Variants in DSCAM observed in about 807,000 individuals in gnomAD.
DSCAM encodes DS cell adhesion molecule.
Under a neutral mutation model 217.7 loss-of-function variants are expected in DSCAM, and 47 were observed. The ratio of observed to expected loss-of-function variants is 0.22; its 90% CI spans 0.17 to 0.28. The LOEUF is 0.28. Among genes scored for constraint, DSCAM ranks in the 10% least tolerant of loss-of-function variants. The probability of loss-of-function intolerance (pLI) is 1.00; values close to 1 mark genes in which losing one functional copy is unlikely to be tolerated. For synonymous variants in DSCAM, 1,056 were observed against 1,015.3 expected (o/e 1.04, Z -0.76); for missense variants, 2,080 against 2,618.3 (o/e 0.79, Z 4.49).
intron 1 of DSCAM, among the ~76,000 whole-genome samples, chr21:40,735,027 A>G (rs146005285): frequency 2.6e-4 from 39 of 152,254 alleles, no homozygotes; most frequent in South Asian, 1.7e-3. Context: ...CTATTCACAA[A>G]TGAATTTTTA....
At chr21:40,665,095 T>G (rs2146388679) in intron 3 of DSCAM, among the ~76,000 whole-genome samples, 1 of 152,296 alleles carries the variant, frequency 6.6e-6, no homozygotes, top group South Asian at 2.1e-4. Context: ...GGTGCCAGGC[T>G]TTTACAGCAT....
intron 30 of DSCAM, among the ~76,000 whole-genome samples, chr21:40,047,748 T>C (rs2088865093): frequency 6.6e-6 from 1 of 152,142 alleles, no homozygotes; most frequent in Non-Finnish European, 1.5e-5. Context: ...ATCTGAACAC[T>C]CCCTCATGTA....
Position 40,659,992 on chromosome 21 carries a change from G to A in DSCAM, c.508+32818C>T, listed in dbSNP as rs1568968719. ...GGTGCATGCTGTGTGATATGGTAAC[G>A]ACAACAGCAATACTAGCAGTGGTCA... is the stretch of plus-strand genomic sequence containing the variant. On this transcript the variant is annotated intron_variant, in intron 3 of 32. Coordinates refer to ENST00000400454, the MANE Select transcript of DSCAM (RefSeq NM_001389.5). Among the ~76,000 whole-genome samples, 5 of 152,258 alleles carry A rather than the reference G, an allele frequency of 3.3e-5. 1 individual carries two copies. The South Asian group carries it at 8.3e-4, about 25-fold the overall frequency.
chr21:40,064,204 T>A (rs141976554), intron 27 of DSCAM, among the ~76,000 whole-genome samples: 1 of 151,952 alleles, frequency 6.6e-6, no homozygotes, highest in East Asian at 1.9e-4. Context: ...CACATACATA[T>A]AATGCCAGAA....
chr21:40,300,762 G>A (rs529457917), intron 9 of DSCAM, among the ~76,000 whole-genome samples: 24 of 152,330 alleles, frequency 1.6e-4, no homozygotes, highest in Admixed American at 5.2e-4. Flanking sequence ...ATCACCTGAA[G>A]AGCTGATTAA....
At chr21:40,091,261 C>T (rs926499162) in intron 21 of DSCAM, among the ~76,000 whole-genome samples, 6 of 152,138 alleles carry the variant, frequency 3.9e-5, no homozygotes, top group African/African-American at 1.4e-4. Flanking sequence ...TTGCTTAAAA[C>T]CCTACACCAT....
At chr21:40,642,480 G>A (rs1000071425) in intron 3 of DSCAM, among the ~76,000 whole-genome samples, 11 of 152,296 alleles carry the variant, frequency 7.2e-5, no homozygotes, top group Middle Eastern at 3.4e-3. Context: ...TCCAAAAAGA[G>A]AAATTTTTCT....
intron 1 of DSCAM, among the ~76,000 whole-genome samples, chr21:40,795,574 C>T (rs775395728): frequency 3.9e-5 from 6 of 152,152 alleles, no homozygotes; most frequent in Non-Finnish European, 7.3e-5. Flanking sequence ...ATAGTAACCA[C>T]ACTTTATATG....
At chr21:40,107,896 C>G (rs2089842092) in intron 20 of DSCAM, among the ~76,000 whole-genome samples, 1 of 152,108 alleles carries the variant, frequency 6.6e-6, no homozygotes, top group African/African-American at 2.4e-5. Flanking sequence ...TCCTCCATCC[C>G]TTTATTTTGA....
At chr21:40,709,141 A>T (rs2146484082) in intron 1 of DSCAM, among the ~76,000 whole-genome samples, 1 of 152,286 alleles carries the variant, frequency 6.6e-6, no homozygotes, top group East Asian at 1.9e-4. Flanking sequence ...CCTCATGAGG[A>T]CAAGGTCTTA....
chr21:40,484,860 T>A (rs2076011832), intron 3 of DSCAM, among the ~76,000 whole-genome samples: 1 of 152,192 alleles, frequency 6.6e-6, no homozygotes, highest in Non-Finnish European at 1.5e-5. Flanking sequence ...GATGCTGTCA[T>A]CTATAAGTTC....
rs575055220 is a variant in DSCAM at position 40,144,165 on chromosome 21, T to G, written c.3259+326A>C. Reference sequence around the variant, plus strand: ...GGAGAAAGTTTTTTAGCAAATAGCATTTCTGCATTCTCGTGAGACTTCTGC... The same window carrying G: ...GGAGAAAGTTTTTTAGCAAATAGCAGTTCTGCATTCTCGTGAGACTTCTGC... On this transcript the variant is annotated intron_variant, in intron 17 of 32. Transcript: ENST00000400454. This position sits in a 1 kb window ranked among gnomAD's most constrained non-coding sequence, Gnocchi z 4.8. 6.6e-6 allele frequency among the ~76,000 whole-genome samples: 1 copy of G among 152,360 alleles called. No individual in the cohort carries two copies. The highest frequency in any genetic ancestry group is 2.4e-5 in the African/African-American group (1 of 41,596).
chr21:40,111,340 A>C (rs937558061), intron 20 of DSCAM, among the ~76,000 whole-genome samples: 31 of 151,910 alleles, frequency 2.0e-4, no homozygotes, highest in African/African-American at 5.8e-4. Flanking sequence ...AGGAGAAATA[A>C]AATACTTTAC....
chr21:40,822,875 C>T (rs1399024937), intron 1 of DSCAM, among the ~76,000 whole-genome samples: 1 of 152,186 alleles, frequency 6.6e-6, no homozygotes, highest in Non-Finnish European at 1.5e-5. Flanking sequence ...TTCGGCCTGG[C>T]TCAGTGGCTC....
intron 32 of DSCAM, among the ~76,000 whole-genome samples, chr21:40,033,657 C>A (rs1358121759): frequency 2.0e-5 from 3 of 151,836 alleles, no homozygotes; most frequent in Non-Finnish European, 4.4e-5. Flanking sequence ...GAAGCTCGAA[C>A]TGGGTGGAGC....
intron 3 of DSCAM, among the ~76,000 whole-genome samples, chr21:40,445,219 C>T (rs896935022): frequency 4.6e-5 from 7 of 152,160 alleles, no homozygotes; most frequent in Admixed American, 2.6e-4. Context: ...AATATTATCA[C>T]ATTGGGTATT....
At chr21:40,549,391 A>AT (rs1000500387) in intron 3 of DSCAM, among the ~76,000 whole-genome samples, 35 of 152,230 alleles carry the variant, frequency 2.3e-4, no homozygotes, top group African/African-American at 6.3e-4. Flanking sequence ...TTACTTCGAG[A>AT]TAAAAAAAAA....
intron 3 of DSCAM, among the ~76,000 whole-genome samples, chr21:40,550,504 G>A (rs564503035): frequency 2.4e-4 from 36 of 152,166 alleles, no homozygotes; most frequent in Non-Finnish European, 4.7e-4. Context: ...CAGAATGAGT[G>A]ACAGAGCAAG....
chr21:40,327,445 TA>T (rs1318368162), intron 8 of DSCAM, among the ~76,000 whole-genome samples: 3 of 152,310 alleles, frequency 2.0e-5, no homozygotes, highest in Non-Finnish European at 4.4e-5. Flanking sequence ...TCCTTTTTGG[TA>T]GTGTCTTAGG....
Sources: gnomAD v4.1 joint callset for allele counts (sites outside exome capture counted in the v4.1 genomes callset) on GRCh38, gnomAD v4.1.1 for gene constraint, Gnocchi (gnomAD v3.1) non-coding constraint, MANE v1.5 for transcripts, NCBI Gene and HGNC (gene_info 2026-07-23, HGNC 2026-07-21) for gene names.